EIF4E2: variants seen among roughly 807,000 people sequenced by gnomAD.
EIF4E2 encodes the protein eukaryotic translation initiation factor 4E family member 2, also known as eukaryotic translation initiation factor 4E type 2.
In EIF4E2, 13 loss-of-function variants were observed where a neutral mutation model predicts 34.2. The observed-to-expected ratio is 0.38, with a 90% confidence interval of 0.25 to 0.60. The LOEUF is 0.60. EIF4E2 is among the 20% of genes least tolerant of loss of function. EIF4E2 has a pLI of 0.62. For missense variants in EIF4E2, 222 were observed against 315.1 expected (o/e 0.70, Z 2.24); for synonymous variants, 100 against 106.6 (o/e 0.94, Z 0.38).
chr2:232,568,832 C>T, intron 6 of EIF4E2, 113 bp from the exon 7 acceptor site: 1 of 1,529,052 alleles, frequency 6.5e-7, no homozygotes, highest in South Asian at 1.3e-5. Context: ...GGACTTCAGC[C>T]CTGTAGCTGT....
Position 232,567,653 on chromosome 2 carries a change from T to C in EIF4E2, c.665+439T>C, listed in dbSNP as rs543934925. ...TTTGTCCTGGGATACTGACTACTTA[T>C]CAGGAATGACTCCATTTCCTTGTGT... On this transcript the variant is annotated intron_variant, in intron 6 of 6. Transcript: ENST00000258416. 16 of 1,044,814 alleles carry C rather than the reference T, an allele frequency of 1.5e-5. No homozygotes were observed. The African/African-American group carries it at 2.0e-4, about 13-fold the overall frequency. The allele number at this position is 1,044,814 out of a possible 1,614,324, so 64.7% of individuals were successfully genotyped here.
chr2:232,567,620 C>G, intron 6 of EIF4E2: 1 of 1,107,098 alleles, frequency 9.0e-7, no homozygotes, highest in Non-Finnish European at 1.1e-6. Flanking sequence ...TAGCTTCAGT[C>G]TATTTTCTTT....
intron 1 of EIF4E2, 96 bp from the exon 2 acceptor site, chr2:232,556,320 G>T: frequency 1.1e-6 from 1 of 929,668 alleles, no homozygotes; most frequent in African/African-American, 1.6e-5. Context: ...GTGACTTTGG[G>T]TTGGTTACAT....
At chr2:232,556,940 A>G (rs571462759) in intron 2 of EIF4E2, among the ~76,000 whole-genome samples, 3 of 152,274 alleles carry the variant, frequency 2.0e-5, no homozygotes, top group African/African-American at 7.2e-5. Context: ...AGAGAGATCA[A>G]TTTTTTCCTT....
At chr2:232,569,628 T>G (rs1693043749), downstream of EIF4E2, 2 of 152,528 alleles carry the variant, frequency 1.3e-5, no homozygotes, top group Admixed American at 6.5e-5. Flanking sequence ...TCTGTCTGTG[T>G]GGCTGTGTGT....
At chr2:232,570,682 C>T (rs149852858), downstream of EIF4E2, among the ~76,000 whole-genome samples, 9 of 152,316 alleles carry the variant, frequency 5.9e-5, no homozygotes, top group East Asian at 7.7e-4. Context: ...AGGTGGCTCA[C>T]GCCTGTAATC....
At chr2:232,577,415 C>G (rs922554434) in intron 6 of EIF4E2, among the ~76,000 whole-genome samples, 2 of 152,202 alleles carry the variant, frequency 1.3e-5, no homozygotes, top group African/African-American at 4.8e-5. Context: ...CTTTGCCAGG[C>G]ACCAGCACAG....
At chr2:232,577,278 C>G (rs1693246573) in intron 6 of EIF4E2, among the ~76,000 whole-genome samples, 1 of 152,190 alleles carries the variant, frequency 6.6e-6, no homozygotes. Flanking sequence ...AGAATGTTCT[C>G]CTGAAGACCA....
rs1692617625 is a variant in EIF4E2 at position 232,558,893 on chromosome 2, T to C, written c.270+875T>C. ...CAGAGAGCCCAGACTGTCTCATCTC[T>C]CTCCCAGGTGACTTGGTTTGTGTAC... On this transcript the variant is annotated intron_variant, in intron 3 of 6. Coordinates refer to ENST00000258416, the MANE Select transcript of EIF4E2 (RefSeq NM_004846.4). 5 of 152,174 alleles carry C rather than the reference T, an allele frequency of 3.3e-5. No individual in the cohort carries two copies. In the South Asian group the frequency reaches 1.0e-3, roughly 32 times the overall value. 9.4% of individuals were successfully genotyped at this position (152,174 alleles called of 1,614,324 possible).
chr2:232,579,149 C>T (rs1693287530), intron 6 of EIF4E2, among the ~76,000 whole-genome samples: 1 of 151,734 alleles, frequency 6.6e-6, no homozygotes, highest in African/African-American at 2.4e-5. Context: ...CACACACACA[C>T]ACACACACAC....
intron 3 of EIF4E2, among the ~76,000 whole-genome samples, chr2:232,561,872 ATTT>A (rs199712096): frequency 6.7e-6 from 1 of 148,654 alleles, no homozygotes; most frequent in South Asian, 2.1e-4. Flanking sequence ...GTGAATGCTT[ATTT>A]TTTTTTTTGG....
chr2:232,568,333 TGGGCGTTG>T, intron 6 of EIF4E2: 1 of 985,442 alleles, frequency 1.0e-6, no homozygotes, highest in Non-Finnish European at 1.2e-6. Flanking sequence ...AACACTGCTA[TGGGCGTTG>T]GTCCATGATC....
intron 6 of EIF4E2, among the ~76,000 whole-genome samples, chr2:232,576,713 A>G (rs888641689): frequency 1.3e-5 from 2 of 152,330 alleles, no homozygotes; most frequent in Non-Finnish European, 2.9e-5. Context: ...TTCATGTCGC[A>G]TTTCTATTGA....
At position 232,558,021 on chromosome 2, in the gene EIF4E2, G is replaced by A. The variant is rs779842924; in HGVS notation, c.270+3G>A. The A allele has an allele frequency of 6.2e-6, 10 of 1,613,872 alleles. No individual in the cohort carries two copies. Among genetic ancestry groups the A allele is most frequent in the Non-Finnish European group, 8.5e-6 (10 of 1,179,954 alleles). On this transcript the variant is annotated splice_donor_region_variant and intron_variant, in intron 3 of 6. Coordinates refer to ENST00000258416, the MANE Select transcript of EIF4E2 (RefSeq NM_004846.4). ...AACAGATTGGCACCTTTGCCTCTGT[G>A]AGTTCTTGGTGAATTAATGGAGTGT...
chr2:232,551,492 A>G (rs1250664049), intron 1 of EIF4E2, among the ~76,000 whole-genome samples: 1 of 152,158 alleles, frequency 6.6e-6, no homozygotes, highest in Non-Finnish European at 1.5e-5. Context: ...CCTCTCTTCT[A>G]GTAGTCTAGT....
intron 1 of EIF4E2, among the ~76,000 whole-genome samples, chr2:232,552,653 A>G (rs1410254268): frequency 1.3e-5 from 2 of 149,840 alleles, no homozygotes; most frequent in South Asian, 2.1e-4. Flanking sequence ...CCTTGGTTCA[A>G]GCACCTCTTG....
Position 232,581,821 on chromosome 2 carries a change from C to T in EIF4E2, c.*878C>T, listed in dbSNP as rs1693366224. 1 of 152,252 alleles carries T rather than the reference C, an allele frequency of 6.6e-6. No individual in the cohort carries two copies. Among genetic ancestry groups the T allele is most frequent in the African/African-American group, 2.4e-5 (1 of 41,438 alleles). The allele number at this position is 152,252 out of a possible 1,614,324, so 9.4% of individuals were successfully genotyped here. A position where few individuals can be genotyped will look rare whatever the true frequency, so the allele number is the denominator to read the frequency against. ...GTGCAAGTCTGTTTCTGGCATGTCC[C>T]TCATTGAGGAAGGGAAGCAAAAGCT... On this transcript the variant is annotated 3_prime_UTR_variant, in exon 7 of 7. Coordinates refer to the EIF4E2 transcript ENST00000409098. The surrounding 1 kb of genome is among the most constrained non-coding windows in gnomAD (Gnocchi z 5.2).
At chr2:232,580,132 A>ACT (rs1693314333) in intron 6 of EIF4E2, among the ~76,000 whole-genome samples, 1 of 137,580 alleles carries the variant, frequency 7.3e-6, no homozygotes, top group Middle Eastern at 3.4e-3. Flanking sequence ...ACACACACAC[A>ACT]CTTTCAAGAA....
Position 232,561,851 on chromosome 2 carries a change from A to G in EIF4E2, c.271-2396A>G, listed in dbSNP as rs141617666. ...TTCTGAGGTCCTTTCGGCACCTCATATTCTGAGTCTGTGAATGCTTATTTT... is the reference window on the plus strand; with the variant it reads ...TTCTGAGGTCCTTTCGGCACCTCATGTTCTGAGTCTGTGAATGCTTATTTT... On this transcript the variant is annotated intron_variant, in intron 3 of 6. Coordinates refer to ENST00000258416, the MANE Select transcript of EIF4E2 (RefSeq NM_004846.4). Among the ~76,000 whole-genome samples the G allele has an allele frequency of 2.9e-3, 432 of 148,470 alleles. 1 individual carries two copies. The highest frequency in any genetic ancestry group is 0.01 in the African/African-American group (405 of 39,780).
Sources: allele counts gnomAD v4.1 joint callset (sites outside exome capture counted in the v4.1 genomes callset), GRCh38; gene constraint gnomAD v4.1.1; non-coding constraint Gnocchi (gnomAD v3.1); transcripts MANE v1.5; gene names NCBI Gene and HGNC (gene_info 2026-07-23, HGNC 2026-07-21).